The following KHDRBS2 variants were observed in gnomAD, a reference collection of about 807,000 sequenced individuals.
KHDRBS2 encodes the protein KH RNA binding domain containing, signal transduction associated 2.
A neutral mutation model predicts 44.3 loss-of-function variants in KHDRBS2; 26 were observed. The ratio of observed to expected loss-of-function variants is 0.59; its 90% CI spans 0.43 to 0.81. The LOEUF (loss-of-function observed/expected upper bound fraction) is 0.81, where lower values mean the gene tolerates loss of function less well. Ranked by LOEUF, KHDRBS2 falls within the 40% of genes least tolerant of loss-of-function variation. The pLI, the probability that KHDRBS2 is intolerant of heterozygous loss-of-function variation, is 0.00. For synonymous variants in KHDRBS2, 194 were observed against 151.1 expected (o/e 1.28, Z -2.08); for missense variants, 476 against 433.1 (o/e 1.10, Z -0.88).
chr6:61,630,886 C>T, the KHDRBS2 span, among the ~76,000 whole-genome samples: 18 of 152,218 alleles, frequency 1.2e-4, no homozygotes, highest in Admixed American at 2.6e-4. Flanking sequence ...ATTCTGCATA[C>T]GCTATTTGTC....
intron 4 of KHDRBS2, among the ~76,000 whole-genome samples, chr6:61,971,281 A>G (rs1771352234): frequency 6.6e-6 from 1 of 152,146 alleles, no homozygotes; most frequent in Admixed American, 6.6e-5. Context: ...TTTTGGTACA[A>G]TAGGGATTCT....
chr6:62,160,884 CATA>C (rs1196407422), intron 2 of KHDRBS2, among the ~76,000 whole-genome samples: 1 of 152,080 alleles, frequency 6.6e-6, no homozygotes, highest in African/African-American at 2.4e-5. Context: ...TAAACACATT[CATA>C]ATGTTGTACA....
intron 3 of KHDRBS2, among the ~76,000 whole-genome samples, chr6:62,035,193 T>C (rs1450841984): frequency 6.6e-6 from 1 of 151,988 alleles, no homozygotes; most frequent in Non-Finnish European, 1.5e-5. Flanking sequence ...TGCACTTCTA[T>C]GTTAGATACA....
In KHDRBS2 at chr6:62,055,757, G is replaced by A. The variant is rs184688886; in HGVS notation, c.220-7763C>T. On this transcript the variant is annotated intron_variant, in intron 2 of 8. Coordinates refer to ENST00000281156, the MANE Select transcript of KHDRBS2 (RefSeq NM_152688.4). ...CTTTCCACGTAGGTTCACTTTCGTG[G>A]TGGGTTTTGTCAATATCAAGAAGTT... Among the ~76,000 whole-genome samples the A allele has an allele frequency of 3.3e-5, 5 of 152,068 alleles. No homozygotes were observed. The East Asian group carries it at 9.8e-4, about 30-fold the overall frequency.
intron 2 of KHDRBS2, among the ~76,000 whole-genome samples, chr6:62,113,031 C>G (rs552239223): frequency 1.3e-5 from 2 of 152,208 alleles, no homozygotes; most frequent in East Asian, 3.9e-4. Flanking sequence ...TAACACATTA[C>G]ATCCAAAATG....
At chr6:61,925,338 G>A (rs1808755076) in intron 4 of KHDRBS2, among the ~76,000 whole-genome samples, 1 of 152,154 alleles carries the variant, frequency 6.6e-6, no homozygotes, top group Non-Finnish European at 1.5e-5. Context: ...ACATAGAGAT[G>A]TAGAGATGTT....
intron 1 of KHDRBS2, among the ~76,000 whole-genome samples, chr6:62,194,444 T>G (rs1291739018): frequency 6.7e-6 from 1 of 149,632 alleles, no homozygotes; most frequent in Non-Finnish European, 1.5e-5. Context: ...TCTGTCCTTA[T>G]GTCCACACTA....
At chr6:61,725,758 C>A (rs1773448979) in intron 7 of KHDRBS2, among the ~76,000 whole-genome samples, 2 of 151,938 alleles carry the variant, frequency 1.3e-5, no homozygotes, top group Non-Finnish European at 2.9e-5. Flanking sequence ...AAATTTTATG[C>A]CTGAATAGAC....
intron 7 of KHDRBS2, among the ~76,000 whole-genome samples, chr6:61,709,493 C>T (rs896277898): frequency 1.3e-5 from 2 of 151,546 alleles, no homozygotes; most frequent in African/African-American, 2.4e-5. Flanking sequence ...TTTATATATG[C>T]TTTTGCTTTT....
downstream of KHDRBS2, among the ~76,000 whole-genome samples, chr6:61,677,608 C>T (rs1766018281): frequency 6.6e-6 from 1 of 151,894 alleles, no homozygotes. Context: ...GAACAGCACT[C>T]ATTCTTTACT....
At chr6:61,684,848 T>C (rs1766652633) in intron 8 of KHDRBS2, among the ~76,000 whole-genome samples, 1 of 151,564 alleles carries the variant, frequency 6.6e-6, no homozygotes, top group Non-Finnish European at 1.5e-5. Context: ...ATTGCCACCC[T>C]TTTTTGGCTT....
chr6:62,014,251 G>C (rs1404218770), intron 3 of KHDRBS2, among the ~76,000 whole-genome samples: 1 of 152,002 alleles, frequency 6.6e-6, no homozygotes, highest in Admixed American at 6.6e-5. Flanking sequence ...AAATGTCTTT[G>C]ATAAGAATCA....
intron 1 of KHDRBS2, among the ~76,000 whole-genome samples, chr6:62,224,801 G>A (rs1831489991): frequency 6.6e-6 from 1 of 152,176 alleles, no homozygotes; most frequent in Non-Finnish European, 1.5e-5. Flanking sequence ...GCTACTTGGT[G>A]AATATCTGAG....
intron 6 of KHDRBS2, among the ~76,000 whole-genome samples, chr6:61,849,682 C>T (rs1184368120): frequency 1.3e-5 from 2 of 151,118 alleles, no homozygotes; most frequent in Non-Finnish European, 1.5e-5. Flanking sequence ...CCAGAAGGAG[C>T]TTTCCATGAG....
chr6:61,573,590 G>C, the KHDRBS2 span, among the ~76,000 whole-genome samples: 2 of 152,144 alleles, frequency 1.3e-5, no homozygotes, highest in East Asian at 3.9e-4. Context: ...AGGAGTTTGA[G>C]ATCAGCCTAA....
At chr6:61,598,816 T>C in the KHDRBS2 span, among the ~76,000 whole-genome samples, 3,540 of 136,938 alleles carry the variant, frequency 0.026, 73 homozygotes, top group Middle Eastern at 0.094. Flanking sequence ...GAATAAAGGG[T>C]AGAGTGTCCT....
chr6:61,927,434 C>T (rs1257290096), intron 4 of KHDRBS2, among the ~76,000 whole-genome samples: 1 of 152,042 alleles, frequency 6.6e-6, no homozygotes, highest in Non-Finnish European at 1.5e-5. Flanking sequence ...CAGAAGTACT[C>T]TCAACTAGGT....
At chr6:61,884,023 A>G (rs1015616095) in intron 6 of KHDRBS2, among the ~76,000 whole-genome samples, 6 of 152,054 alleles carry the variant, frequency 3.9e-5, no homozygotes, top group Admixed American at 1.3e-4. Flanking sequence ...CCTTGCACAA[A>G]AATGGCACAA....
the KHDRBS2 span, among the ~76,000 whole-genome samples, chr6:61,670,813 C>T: frequency 6.6e-6 from 1 of 151,374 alleles, no homozygotes; most frequent in African/African-American, 2.4e-5. Context: ...TGTTATTTTT[C>T]CATTTTCATT....
Sources: gnomAD v4.1 joint callset for allele counts (sites outside exome capture counted in the v4.1 genomes callset) on GRCh38, gnomAD v4.1.1 for gene constraint, MANE v1.5 for transcripts, NCBI Gene and HGNC (gene_info 2026-07-23, HGNC 2026-07-21) for gene names.